ACSS1: variants seen among roughly 807,000 people sequenced by gnomAD.
The protein encoded by ACSS1 is acetyl-coenzyme A synthetase 2-like, mitochondrial.
ACSS1 carries 42 observed loss-of-function variants against 75.3 expected under a neutral mutation model. The observed-to-expected ratio is 0.56, with a 90% CI of 0.44 to 0.72. The LOEUF (loss-of-function observed/expected upper bound fraction) is 0.72. Ranked by LOEUF, ACSS1 falls within the 30% of genes least tolerant of loss-of-function variation. The pLI is 0.00. For missense variants in ACSS1, 782 were observed against 935.7 expected (o/e 0.84, Z 2.14); for synonymous variants, 380 against 376.8 (o/e 1.01, Z -0.10).
intron 1 of ACSS1, among the ~76,000 whole-genome samples, chr20:25,053,803 A>G (rs1255453848): frequency 6.6e-6 from 1 of 152,190 alleles, no homozygotes; most frequent in African/African-American, 2.4e-5. Flanking sequence ...TACAAAGAGG[A>G]TTTTTACACT....
rs1400048055 is a variant in ACSS1 at position 25,020,253 on chromosome 20, A to C, written c.1109-106T>G. The C allele has an allele frequency of 4.8e-6, 7 of 1,463,688 alleles. No individual in the cohort carries two copies. In the East Asian group the frequency reaches 1.6e-4, roughly 33 times the overall value. The allele number at this position is 1,463,688 out of a possible 1,614,324, so 90.7% of individuals were successfully genotyped here. ...GAGTGCTGGGCATGTGCAGACGCGC[A>C]TATGTCCATATGAAAGGGATCCCCC... On this transcript the variant is annotated intron_variant, in intron 6 of 13. Transcript: ENST00000323482.
chr20:25,046,754 A>G, intron 2 of ACSS1: 1 of 777,922 alleles, frequency 1.3e-6, no homozygotes, highest in South Asian at 1.3e-5. Context: ...TTCAGAGCCA[A>G]GCACACTCCA....
intron 11 of ACSS1, 50 bp downstream of exon 11, chr20:25,012,762 G>A (rs769082027): frequency 5.6e-6 from 9 of 1,613,280 alleles, no homozygotes; most frequent in Non-Finnish European, 6.8e-6. Flanking sequence ...AGGTCCACAG[G>A]GGCATCATGG....
intron 2 of ACSS1, among the ~76,000 whole-genome samples, chr20:25,032,990 C>T (rs1199079634): frequency 6.6e-6 from 1 of 152,226 alleles, no homozygotes; most frequent in Non-Finnish European, 1.5e-5. Context: ...GCGCCCCACC[C>T]ACGCACCCCT....
Position 25,020,029 on chromosome 20 carries a change from G to A in ACSS1, c.1227C>T (p.Ser409=). 6.2e-7 allele frequency: 1 copy of A among 1,614,200 alleles called. No individual in the cohort carries two copies. The highest frequency in any genetic ancestry group is 8.5e-7 in the Non-Finnish European group (1 of 1,180,040). The change falls in exon 7 of 14, where the codon TCC becomes TCT. Residue 409 remains serine, a synonymous_variant. Coordinates refer to ENST00000323482, the MANE Select transcript of ACSS1 (RefSeq NM_032501.4). ...DAWVKKYDRS[S]LRTLGSVGEP... is the part of the protein sequence containing the mutation. Reference sequence around the variant, plus strand: ...GCTCACCTGACCCCAGGGTCCGCAGGGAGGAGCGATCATACTTCTTCACCC... The same window carrying A: ...GCTCACCTGACCCCAGGGTCCGCAGAGAGGAGCGATCATACTTCTTCACCC...
At chr20:25,057,619 G>A in intron 1 of ACSS1, 150 bp downstream of exon 1, 2 of 677,924 alleles carry the variant, frequency 3.0e-6, no homozygotes, top group Non-Finnish European at 4.6e-6. Context: ...CCACTGCTTA[G>A]AGCGGGCGGG....
intron 2 of ACSS1, among the ~76,000 whole-genome samples, chr20:25,045,656 T>C (rs149285575): frequency 1.6e-3 from 237 of 152,350 alleles, no homozygotes; most frequent in African/African-American, 5.6e-3. Context: ...ACGAGGCCCA[T>C]GGGCAGAAAA....
intron 2 of ACSS1, among the ~76,000 whole-genome samples, chr20:25,035,501 G>T (rs904326091): frequency 6.6e-6 from 1 of 151,880 alleles, no homozygotes; most frequent in Non-Finnish European, 1.5e-5. Flanking sequence ...CACCTCCCAG[G>T]TTCAAGGGAT....
intron 2 of ACSS1, among the ~76,000 whole-genome samples, chr20:25,041,225 T>C (rs1600340862): frequency 7.1e-6 from 1 of 141,676 alleles, no homozygotes; most frequent in Non-Finnish European, 1.5e-5. Flanking sequence ...GCCACTGTAC[T>C]CCAGCCTGGG....
intron 5 of ACSS1, among the ~76,000 whole-genome samples, chr20:25,022,395 G>C (rs79297375): frequency 4.2e-3 from 595 of 140,978 alleles, no homozygotes; most frequent in African/African-American, 5.0e-3. Context: ...CAAAACAAAA[G>C]AAAAAACAAT....
At chr20:25,010,178 A>G in intron 12 of ACSS1, 1 of 152,316 alleles carries the variant, frequency 6.6e-6, no homozygotes, top group East Asian at 1.9e-4. Flanking sequence ...GCTTCTATAT[A>G]TGTGTGGCTC....
At chr20:25,014,487 G>A (rs944609806) in intron 8 of ACSS1, among the ~76,000 whole-genome samples, 1 of 152,182 alleles carries the variant, frequency 6.6e-6, no homozygotes, top group African/African-American at 2.4e-5. Context: ...CCAGGGAAAT[G>A]CCCCAGTGAC....
rs547280392 is a variant in ACSS1 at position 25,020,523 on chromosome 20, C to T, written c.1109-376G>A. ...CTCTAAAGTGGTGACTGGTGCTTCCCCTGGTGACAGTACAGCTGCCACTGC... is the reference window on the plus strand; with the variant it reads ...CTCTAAAGTGGTGACTGGTGCTTCCTCTGGTGACAGTACAGCTGCCACTGC... On this transcript the variant is annotated intron_variant, in intron 6 of 13. Transcript: ENST00000323482. Among the ~76,000 whole-genome samples the T allele has an allele frequency of 2.5e-3, 387 of 152,372 alleles. 1 individual carries two copies. The highest frequency in any genetic ancestry group is 9.1e-3 in the African/African-American group (378 of 41,592).
At chr20:25,027,875 C>T (rs1026754993) in intron 3 of ACSS1, among the ~76,000 whole-genome samples, 1 of 151,320 alleles carries the variant, frequency 6.6e-6, no homozygotes, top group East Asian at 1.9e-4. Flanking sequence ...TGTATAAATC[C>T]TAATGAATCC....
In ACSS1 at chr20:25,030,807, T is replaced by A; in HGVS notation, c.583A>T (p.Ile195Phe). ...GACTCTGCACTGAAGCCAGCAAAGA[T>A]GACTGTGTGGACAGCTCCGATCCTG... is the stretch of plus-strand genomic sequence containing the variant. ...CARIGAVHTV[I>F]FAGFSAESLA... is the part of the protein sequence containing the mutation. Residue 195 changes from isoleucine to phenylalanine, a missense_variant, in exon 3 of 14, where the codon ATC (isoleucine) becomes TTC (phenylalanine). Physicochemically the swap from Ile to Phe is conservative, Grantham distance 21 (BLOSUM62 0). Around this residue, in one of 2 missense-constraint regions of ACSS1, gnomAD observed 377 missense variants for 383.1 expected, o/e 0.98. Coordinates refer to ENST00000323482, the MANE Select transcript of ACSS1 (RefSeq NM_032501.4). 1 of 1,614,222 alleles carries A rather than the reference T, an allele frequency of 6.2e-7. No individual in the cohort carries two copies. Among genetic ancestry groups the A allele is most frequent in the South Asian group, 1.1e-5 (1 of 91,088 alleles).
Position 25,007,491 on chromosome 20 carries a change from C to T in ACSS1, c.*271G>A, listed in dbSNP as rs1568825289. On this transcript the variant is annotated 3_prime_UTR_variant, in exon 14 of 14. Transcript: ENST00000323482. ...CAAGAGGGCAGAGGAATGGAGATGG[C>T]AATGCCTTTTCATTCCAGGAAACCA... 1.1e-5 allele frequency: 14 copies of T among 1,295,464 alleles called. No homozygotes were observed. Among genetic ancestry groups the T allele is most frequent in the Non-Finnish European group, 6.9e-6 (7 of 1,018,578 alleles). 80.2% of individuals were successfully genotyped at this position (1,295,464 alleles called of 1,614,324 possible). A position where few individuals can be genotyped will look rare whatever the true frequency, so the allele number is the denominator to read the frequency against.
intron 2 of ACSS1, among the ~76,000 whole-genome samples, chr20:25,034,479 C>A (rs886978828): frequency 3.9e-5 from 6 of 152,286 alleles, no homozygotes; most frequent in Non-Finnish European, 5.9e-5. Context: ...TCAGTAGACA[C>A]CCCCAGACTT....
intron 2 of ACSS1, among the ~76,000 whole-genome samples, chr20:25,042,549 G>A (rs530743236): frequency 3.3e-5 from 5 of 152,080 alleles, no homozygotes; most frequent in Non-Finnish European, 7.4e-5. Context: ...AGCCTCCCGT[G>A]AGTTAGGATC....
At position 25,028,696 on chromosome 20, in the gene ACSS1, C is replaced by T. The variant is rs182193766; in HGVS notation, c.631+2063G>A. On this transcript the variant is annotated intron_variant, in intron 3 of 13. Transcript: ENST00000323482. ...ATACGAACAGGGAGGCCGAGGCGGG[C>T]GGATCACGAGGTCAAGAGATCGAGA... 2.8e-3 allele frequency among the ~76,000 whole-genome samples: 423 copies of T among 152,222 alleles called. 2 individuals carry two copies. The highest frequency in any genetic ancestry group is 9.9e-3 in the African/African-American group (412 of 41,544).
Sources: allele counts gnomAD v4.1 joint callset (sites outside exome capture counted in the v4.1 genomes callset), GRCh38; gene constraint gnomAD v4.1.1; regional missense constraint gnomAD v4.1.1; transcripts MANE v1.5; gene names NCBI Gene and HGNC (gene_info 2026-07-23, HGNC 2026-07-21).